C17orf67: variants seen among roughly 807,000 people sequenced by gnomAD.
C17orf67 encodes uncharacterized protein C17orf67.
C17orf67 carries 12 observed loss-of-function variants against 11.2 expected under a neutral mutation model. That is an observed-to-expected ratio of 1.07 (90% CI 0.68 to 1.73). C17orf67 has a LOEUF of 1.73. Ranked by LOEUF, C17orf67 falls within the 40% of genes most tolerant of loss-of-function variation. The pLI is 0.00. For missense variants in C17orf67, 115 were observed against 113.5 expected (o/e 1.01, Z -0.06); for synonymous variants, 59 against 46.9 (o/e 1.26, Z -1.05).
intron 6 of C17orf67, among the ~76,000 whole-genome samples, chr17:56,799,493 T>C (rs1597987912): frequency 6.6e-6 from 1 of 152,358 alleles, no homozygotes; most frequent in Admixed American, 6.5e-5. Flanking sequence ...GACATCTTGG[T>C]TGCTTCCAAA....
intron 6 of C17orf67, among the ~76,000 whole-genome samples, chr17:56,800,843 T>C (rs1905302346): frequency 6.6e-6 from 1 of 152,174 alleles, no homozygotes; most frequent in Non-Finnish European, 1.5e-5. Context: ...TGCCTCATAC[T>C]GTTTAGTGGA....
intron 6 of C17orf67, among the ~76,000 whole-genome samples, chr17:56,809,669 A>T (rs1439123380): frequency 1.4e-5 from 2 of 140,492 alleles, no homozygotes; most frequent in Non-Finnish European, 3.1e-5. Flanking sequence ...GACTGCTCAC[A>T]CACAGACCCT....
chr17:56,815,656 A>T, intron 5 of C17orf67, 100 bp downstream of exon 5: 1 of 961,766 alleles, frequency 1.0e-6, no homozygotes, highest in South Asian at 3.7e-5. Context: ...AAATATCTAT[A>T]TACACTATAT....
intron 6 of C17orf67, among the ~76,000 whole-genome samples, chr17:56,796,427 G>A (rs1006872942): frequency 1.3e-5 from 2 of 152,196 alleles, no homozygotes; most frequent in African/African-American, 4.8e-5. Flanking sequence ...TATGCTAAGT[G>A]ACAGAAGCCA....
At chr17:56,828,418 T>A (rs1390428085) in intron 2 of C17orf67, among the ~76,000 whole-genome samples, 1 of 151,590 alleles carries the variant, frequency 6.6e-6, no homozygotes, top group African/African-American at 2.4e-5. Flanking sequence ...AAAAAAAAAA[T>A]GTGGATTCTG....
chr17:56,804,844 A>T (rs1390238757), intron 6 of C17orf67, among the ~76,000 whole-genome samples: 2 of 152,186 alleles, frequency 1.3e-5, no homozygotes, highest in East Asian at 3.9e-4. Context: ...AGCAATTGGC[A>T]AACAACCTCT....
intron 6 of C17orf67, among the ~76,000 whole-genome samples, chr17:56,795,792 G>A (rs1053035391): frequency 6.6e-6 from 1 of 152,172 alleles, no homozygotes; most frequent in Non-Finnish European, 1.5e-5. Context: ...AATTATGTTA[G>A]GGTTATGCCA....
intron 2 of C17orf67, among the ~76,000 whole-genome samples, chr17:56,832,547 C>A (rs1191820933): frequency 6.6e-6 from 1 of 152,194 alleles, no homozygotes; most frequent in Non-Finnish European, 1.5e-5. Context: ...GCCTATCTCC[C>A]AGTTACTGTG....
At chr17:56,829,541 T>G (rs998407044) in intron 2 of C17orf67, among the ~76,000 whole-genome samples, 2 of 152,162 alleles carry the variant, frequency 1.3e-5, no homozygotes, top group Non-Finnish European at 2.9e-5. Context: ...GGCAGCGCTG[T>G]TCTCTCCCCT....
chr17:56,818,819 T>G (rs1160595917), intron 4 of C17orf67, among the ~76,000 whole-genome samples: 1 of 150,656 alleles, frequency 6.6e-6, no homozygotes, highest in Non-Finnish European at 1.5e-5. Context: ...ACATTTCAAG[T>G]GCTCGGTAGC....
Position 56,795,074 on chromosome 17 carries a change from T to C in C17orf67, c.263A>G (p.His88Arg). The C allele has an allele frequency of 6.2e-7, 1 of 1,613,910 alleles. No homozygotes were observed. The highest frequency in any genetic ancestry group is 1.3e-5 in the African/African-American group (1 of 75,036). The change falls in exon 7 of 8, where the codon CAT (histidine) becomes CGT (arginine). Residue 88 changes from histidine to arginine, a missense_variant. His to Arg is a conservative substitution (Grantham distance 29, BLOSUM62 0). Transcript: ENST00000397861. ...CKPHCDRNRIHPV is the reference protein window; with the variant it reads ...CKPHCDRNRIRPV The stretch of plus-strand genomic sequence containing the variant: ...CTGGTCCTGATCCCCTTACACAGGA[T>C]GAATCCTGTTCCTGTCACAGTGGGG...
intron 2 of C17orf67, among the ~76,000 whole-genome samples, chr17:56,827,234 C>A (rs1906062080): frequency 6.6e-6 from 1 of 152,214 alleles, no homozygotes; most frequent in African/African-American, 2.4e-5. Flanking sequence ...GTAAATCATT[C>A]CTACCAGAAT....
In C17orf67 at chr17:56,815,067, G is replaced by A. The variant is rs951360645; in HGVS notation, c.56-98C>T. On this transcript the variant is annotated intron_variant, in intron 5 of 7. Coordinates refer to ENST00000397861, the MANE Select transcript of C17orf67 (RefSeq NM_001085430.4). ...CAAAAGATTTGCAAGTTCAATTTTGGTTAAAACATGAAAGTTCTTTCCCGG... is the reference window on the plus strand; with the variant it reads ...CAAAAGATTTGCAAGTTCAATTTTGATTAAAACATGAAAGTTCTTTCCCGG... 5 of 1,034,398 alleles carry A rather than the reference G, an allele frequency of 4.8e-6. No individual in the cohort carries two copies. In the Admixed American group the frequency reaches 5.2e-5, roughly 11 times the overall value. The allele number at this position is 1,034,398 out of a possible 1,614,324, so 64.1% of individuals were successfully genotyped here.
chr17:56,813,891 G>C (rs1286127357), intron 6 of C17orf67, among the ~76,000 whole-genome samples: 1 of 151,980 alleles, frequency 6.6e-6, no homozygotes. Context: ...TGAAAGTACT[G>C]AGCTGCAGAA....
chr17:56,806,264 G>T (rs149287211), intron 6 of C17orf67, among the ~76,000 whole-genome samples: 1 of 152,154 alleles, frequency 6.6e-6, no homozygotes, highest in African/African-American at 2.4e-5. Flanking sequence ...GTGAGCCACC[G>T]CACCCGGCCT....
chr17:56,813,170 C>T (rs1051434252), intron 6 of C17orf67, among the ~76,000 whole-genome samples: 3 of 152,144 alleles, frequency 2.0e-5, no homozygotes, highest in African/African-American at 7.2e-5. Flanking sequence ...ATGGCCGCTC[C>T]AGGCATCATG....
At chr17:56,826,022 T>C (rs1420214378) in intron 2 of C17orf67, among the ~76,000 whole-genome samples, 2 of 152,122 alleles carry the variant, frequency 1.3e-5, no homozygotes, top group African/African-American at 2.4e-5. Context: ...TGGCACAATC[T>C]CGGCTCACTG....
At chr17:56,828,908 G>GT (rs1906116179) in intron 2 of C17orf67, among the ~76,000 whole-genome samples, 1 of 151,622 alleles carries the variant, frequency 6.6e-6, no homozygotes. Context: ...GGATGTCGGT[G>GT]TATGAAAAAG....
Position 56,814,745 on chromosome 17 carries a change from TTC to T in C17orf67, c.156+122_156+123del, listed in dbSNP as rs1367854873. 6.7e-6 allele frequency: 6 copies of T among 902,120 alleles called. No individual in the cohort carries two copies. The African/African-American group carries it at 9.9e-5, about 15-fold the overall frequency. 55.9% of individuals were successfully genotyped at this position (902,120 alleles called of 1,614,324 possible). ...GTAAAAGATTGAGATTGCAGCTATC[TTC>T]TACCTGAAACTCTAACCAAACCCCT... On this transcript the variant is annotated intron_variant, in intron 6 of 7. Coordinates refer to ENST00000397861, the MANE Select transcript of C17orf67 (RefSeq NM_001085430.4).
Sources: gnomAD v4.1 joint callset for allele counts (sites outside exome capture counted in the v4.1 genomes callset) on GRCh38, gnomAD v4.1.1 for gene constraint, MANE v1.5 for transcripts, NCBI Gene and HGNC (gene_info 2026-07-23, HGNC 2026-07-21) for gene names.